Variants in BMP1 observed in about 807,000 individuals in gnomAD.
The protein encoded by BMP1 is mammalian tolloid protein.
In BMP1, 63 loss-of-function variants were observed where a neutral mutation model predicts 116.8. The observed-to-expected ratio is 0.54, with a 90% CI of 0.44 to 0.67. BMP1 has a LOEUF of 0.67. Among genes scored for constraint, BMP1 ranks in the 30% least tolerant of loss-of-function variants. BMP1 has a pLI of 0.00. For missense variants in BMP1, 1,183 were observed against 1,358.9 expected (o/e 0.87, Z 2.04); for synonymous variants, 536 against 533.4 (o/e 1.00, Z -0.07).
At chr8:22,166,454 G>A (rs1478605974) in intron 1 of BMP1, among the ~76,000 whole-genome samples, 1 of 152,210 alleles carries the variant, frequency 6.6e-6, no homozygotes, top group Non-Finnish European at 1.5e-5. Flanking sequence ...CCTGCCCCTG[G>A]AGTGACCAGA....
Position 22,165,874 on chromosome 8 carries a change from T to TTGC in BMP1, c.148+321_148+322insTGC, listed in dbSNP as rs1335109176. Among the ~76,000 whole-genome samples, 5 of 139,854 alleles carry TTGC rather than the reference T, an allele frequency of 3.6e-5. No homozygotes were observed. In the Admixed American group the frequency reaches 3.6e-4, roughly 10 times the overall value. The allele number at this position is 139,854 out of a possible 152,430, so 91.7% of individuals were successfully genotyped here. ...TAGGAAACTTTTCTGGCCAAACTCCTGTGCGTGCGTGTGTGTGTGTGTGTG... is the reference window on the plus strand; with the variant it reads ...TAGGAAACTTTTCTGGCCAAACTCCTTGCGTGCGTGCGTGTGTGTGTGTGTGTG... On this transcript the variant is annotated intron_variant, in intron 1 of 19. Transcript: ENST00000306385.
intron 15 of BMP1, 52 bp downstream of exon 15, chr8:22,197,472 C>T: frequency 6.5e-7 from 1 of 1,545,762 alleles, no homozygotes; most frequent in Non-Finnish European, 8.8e-7. Flanking sequence ...GAGAACAGGG[C>T]TCCCTTTCTC....
At chr8:22,176,456 G>T (rs1016412389) in intron 3 of BMP1, 77 bp from the exon 4 acceptor site, 36 of 1,570,432 alleles carry the variant, frequency 2.3e-5, no homozygotes, top group Non-Finnish European at 8.7e-6. Context: ...CCTCAGAATG[G>T]CTGTGACTCT....
chr8:22,190,228 A>G (rs977068420), intron 8 of BMP1, among the ~76,000 whole-genome samples: 1 of 152,234 alleles, frequency 6.6e-6, no homozygotes, highest in African/African-American at 2.4e-5. Context: ...CTTGGCCTGT[A>G]GTGTGCTTTT....
In BMP1 at chr8:22,179,039, C is replaced by G. The variant is rs755579342; in HGVS notation, c.837-666C>G. Among the ~76,000 whole-genome samples the G allele has an allele frequency of 3.9e-5, 6 of 152,196 alleles. No individual in the cohort carries two copies. Among genetic ancestry groups the G allele is most frequent in the Non-Finnish European group, 7.4e-5 (5 of 68,020 alleles). ...CCACCCCCTGCTGCGATCCACCCAG[C>G]TGGGTGTGAGTCAGGGGCCCTGGGG... On this transcript the variant is annotated intron_variant, in intron 6 of 19. Transcript: ENST00000306385. This position sits in a 1 kb window ranked among gnomAD's most constrained non-coding sequence, Gnocchi z 4.6.
intron 15 of BMP1, 26 bp downstream of exon 15, chr8:22,197,446 G>T (rs1243872204): frequency 2.5e-6 from 4 of 1,583,000 alleles, no homozygotes; most frequent in Non-Finnish European, 3.5e-6. Context: ...CCAGCTCCTA[G>T]CCCCACCTCT....
At chr8:22,202,736 C>T (rs60532785) in intron 16 of BMP1, among the ~76,000 whole-genome samples, 1,808 of 152,242 alleles carry the variant, frequency 0.012, 39 homozygotes, top group African/African-American at 0.041. Context: ...TAGGCCAGTG[C>T]GGTGGTTCAC....
rs778401518 is a variant in BMP1 at position 22,206,971 on chromosome 8, G to A, written c.2351G>A (p.Arg784Gln). 68 of 1,614,018 alleles carry A rather than the reference G, an allele frequency of 4.2e-5. 1 individual carries two copies. The highest frequency in any genetic ancestry group is 2.9e-4 in the African/African-American group (22 of 74,938). ...GCCATCTCCAGCACCCCCGGGCACC[G>A]GGTCAAGCTGGTAAGGGGTCCCCTC... Reference protein sequence around the residue: ...TWAISSTPGHRVKLTFMEMDI... With the variant: ...TWAISSTPGHQVKLTFMEMDI... The change falls in exon 17 of 20, where the codon CGG becomes CAG. Residue 784 changes from arginine to glutamine, a missense_variant. Arg to Gln is a conservative substitution (Grantham distance 43). This residue lies in a region of BMP1 where 956 missense variants were observed against 1,135.2 expected (regional missense o/e 0.84). Coordinates refer to ENST00000306385, the MANE Select transcript of BMP1 (RefSeq NM_006129.5).
At chr8:22,166,356 C>T (rs561729645) in intron 1 of BMP1, among the ~76,000 whole-genome samples, 2 of 151,360 alleles carry the variant, frequency 1.3e-5, no homozygotes, top group African/African-American at 2.4e-5. Flanking sequence ...GTCAGGACCC[C>T]GGAGTGTGTG....
intron 8 of BMP1, among the ~76,000 whole-genome samples, chr8:22,185,519 A>G (rs1828743125): frequency 1.3e-5 from 2 of 152,122 alleles, no homozygotes; most frequent in Non-Finnish European, 2.9e-5. Flanking sequence ...AGGATCAAAC[A>G]TTTGCAGAGG....
chr8:22,210,213 G>T (rs192548864), intron 19 of BMP1, among the ~76,000 whole-genome samples: 1 of 152,338 alleles, frequency 6.6e-6, no homozygotes, highest in East Asian at 1.9e-4. Context: ...TGCTGTCCCA[G>T]TGGCCCCTGG....
rs754163512 is a variant in BMP1, at chr8:22,192,098, G to T, written c.1127G>T (p.Trp376Leu). Residue 376 changes from tryptophan (W) to leucine (L), a missense_variant, in exon 9 of 20, where the codon TGG becomes TTG. This residue lies in a region of BMP1 where 956 missense variants were observed against 1,135.2 expected (regional missense o/e 0.84). Coordinates refer to ENST00000306385, the MANE Select transcript of BMP1 (RefSeq NM_006129.5). The stretch of plus-strand genomic sequence containing the variant: ...GACCTGTACCGCAGCCGCCTGTGCT[G>T]GTACGACTATGTGGAGGTCCGAGAT... ...SLDLYRSRLC[W>L]YDYVEVRDGF... 6.2e-7 allele frequency: 1 copy of T among 1,614,008 alleles called. No individual in the cohort carries two copies. Among genetic ancestry groups the T allele is most frequent in the Admixed American group, 1.7e-5 (1 of 60,024 alleles).
intron 15 of BMP1, among the ~76,000 whole-genome samples, chr8:22,200,490 T>C (rs948993671): frequency 6.6e-6 from 1 of 152,192 alleles, no homozygotes; most frequent in Non-Finnish European, 1.5e-5. Context: ...GTACACAGGC[T>C]GGGCGGGCAA....
intron 18 of BMP1, 132 bp downstream of exon 18, chr8:22,207,648 T>C: frequency 1.9e-6 from 2 of 1,054,646 alleles, no homozygotes; most frequent in Non-Finnish European, 1.4e-6. Flanking sequence ...TTGTGGGTGA[T>C]GCAAACATTG....
rs1011563343 is a variant in BMP1, at chr8:22,204,678, G to A, written c.2234-2176G>A. 6.6e-5 allele frequency among the ~76,000 whole-genome samples: 10 copies of A among 152,224 alleles called. 1 individual carries two copies. The highest frequency in any genetic ancestry group is 1.0e-4 in the Non-Finnish European group (7 of 67,988). ...GCAGAGGTTGCAGTGAGCCAGGATC[G>A]CGCCACTTCACTCCAGCCTGGGCAA... On this transcript the variant is annotated intron_variant, in intron 16 of 19. Coordinates refer to ENST00000306385, the MANE Select transcript of BMP1 (RefSeq NM_006129.5).
intron 15 of BMP1, chr8:22,201,164 C>A: frequency 6.2e-7 from 1 of 1,613,220 alleles, no homozygotes; most frequent in African/African-American, 1.3e-5. Flanking sequence ...CCCACCAGCT[C>A]AAATTCCGAG....
At position 22,176,331 on chromosome 8, in the gene BMP1, G is replaced by C. The variant is rs377015719; in HGVS notation, c.433+18G>C. 11 of 1,576,600 alleles carry C rather than the reference G, an allele frequency of 7.0e-6. No homozygotes were observed. In the East Asian group the frequency reaches 9.0e-5, roughly 13 times the overall value. ...CTTCACTGGTGAGCGTGCTATTGTG[G>C]GTCCCAGAGTGTAACCAGCTTCCGG... On this transcript the variant is annotated intron_variant, in intron 3 of 19. Coordinates refer to ENST00000306385, the MANE Select transcript of BMP1 (RefSeq NM_006129.5).
intron 9 of BMP1, among the ~76,000 whole-genome samples, chr8:22,193,073 T>C (rs1435004538): frequency 6.6e-6 from 1 of 152,264 alleles, no homozygotes; most frequent in African/African-American, 2.4e-5. Flanking sequence ...CTTACATTCC[T>C]GGGCCAGCAC....
At chr8:22,205,652 G>A (rs764185024) in intron 16 of BMP1, among the ~76,000 whole-genome samples, 1 of 152,180 alleles carries the variant, frequency 6.6e-6, no homozygotes, top group Non-Finnish European at 1.5e-5. Flanking sequence ...TGGCATGCCT[G>A]TAGTCCCAGC....
Sources: allele counts gnomAD v4.1 joint callset (sites outside exome capture counted in the v4.1 genomes callset), GRCh38; gene constraint gnomAD v4.1.1; regional missense constraint gnomAD v4.1.1; non-coding constraint Gnocchi (gnomAD v3.1); transcripts MANE v1.5; gene names NCBI Gene and HGNC (gene_info 2026-07-23, HGNC 2026-07-21).